CDH4: variants seen among roughly 807,000 people sequenced by gnomAD.
CDH4 encodes the protein cadherin-4.
CDH4 carries 33 observed loss-of-function variants against 86.0 expected under a neutral mutation model. The observed-to-expected ratio is 0.38, with a 90% confidence interval of 0.29 to 0.51. CDH4 has a LOEUF of 0.51. CDH4 is among the 20% of genes least tolerant of loss of function. The pLI, the probability that CDH4 is intolerant of heterozygous loss-of-function variation, is 0.86. For synonymous variants in CDH4, 555 were observed against 549.4 expected, an observed-to-expected ratio of 1.01 and a Z score of -0.14; for missense variants, 1,114 against 1,307.4, an observed-to-expected ratio of 0.85 and a Z score of 2.28.
At chr20:61,401,934 G>A (rs998473191) in intron 2 of CDH4, among the ~76,000 whole-genome samples, 8 of 152,202 alleles carry the variant, frequency 5.3e-5, no homozygotes, top group South Asian at 4.1e-4. Flanking sequence ...CTGACCAGCT[G>A]CACATGCATT....
At chr20:61,437,890 T>G (rs969526453) in intron 2 of CDH4, among the ~76,000 whole-genome samples, 5 of 152,180 alleles carry the variant, frequency 3.3e-5, no homozygotes, top group African/African-American at 1.2e-4. Context: ...ACTGGTCCTT[T>G]TCCATCCATC....
chr20:61,836,741 C>T (rs1164909721), intron 4 of CDH4, among the ~76,000 whole-genome samples: 2 of 152,234 alleles, frequency 1.3e-5, no homozygotes, highest in African/African-American at 4.8e-5. Flanking sequence ...GGTTTCACGT[C>T]GCCGAATCTT....
intron 2 of CDH4, among the ~76,000 whole-genome samples, chr20:61,653,624 C>T (rs1238306515): frequency 0.16 from 14,309 of 92,042 alleles, 1,318 homozygotes; most frequent in Non-Finnish European, 0.22. Flanking sequence ...CCTCACTTCC[C>T]AGACGGGGTG....
At chr20:61,499,529 T>A (rs1390903180) in intron 2 of CDH4, 1 of 1,288,180 alleles carries the variant, frequency 7.8e-7, no homozygotes, top group East Asian at 5.6e-5. Flanking sequence ...TAGGGTTGTT[T>A]GTGGGCCACT....
chr20:61,614,532 GC>G (rs1285212750), intron 2 of CDH4, among the ~76,000 whole-genome samples: 2 of 152,100 alleles, frequency 1.3e-5, no homozygotes, highest in Admixed American at 1.3e-4. Context: ...CGTGGGACTG[GC>G]CTGCAGTGGG....
chr20:61,437,517 C>T (rs1230564028), intron 2 of CDH4: 1 of 152,130 alleles, frequency 6.6e-6, no homozygotes, highest in African/African-American at 2.4e-5. Context: ...ATCTGGGCTC[C>T]AGTCACTTCA....
chr20:61,799,745 C>T (rs1979732088), intron 4 of CDH4, among the ~76,000 whole-genome samples: 1 of 152,224 alleles, frequency 6.6e-6, no homozygotes, highest in Admixed American at 6.5e-5. Context: ...GGTATCCCCG[C>T]TCCTGGGTGG....
At chr20:61,470,847 CA>C (rs1239155763) in intron 2 of CDH4, among the ~76,000 whole-genome samples, 2 of 152,018 alleles carry the variant, frequency 1.3e-5, no homozygotes, top group African/African-American at 2.4e-5. Context: ...TTGATTGATT[CA>C]TGTATGTTGA....
At chr20:61,691,305 TTGTG>T (rs966117660) in intron 2 of CDH4, among the ~76,000 whole-genome samples, 1 of 151,154 alleles carries the variant, frequency 6.6e-6, no homozygotes, top group Non-Finnish European at 1.5e-5. Context: ...GTGTATGTAT[TTGTG>T]TGGATGTGTG....
At chr20:61,841,326 A>G (rs772389921) in intron 4 of CDH4, among the ~76,000 whole-genome samples, 2 of 152,188 alleles carry the variant, frequency 1.3e-5, no homozygotes, top group Non-Finnish European at 2.9e-5. Context: ...TCTCCTGCGA[A>G]TGTGATCTCT....
At chr20:61,906,800 C>T (rs1458858400) in intron 8 of CDH4, among the ~76,000 whole-genome samples, 2 of 151,896 alleles carry the variant, frequency 1.3e-5, no homozygotes, top group South Asian at 2.1e-4. Flanking sequence ...AGGGAATGGC[C>T]CGGGGTCAGG....
At chr20:61,541,662 T>C (rs926348676) in intron 2 of CDH4, among the ~76,000 whole-genome samples, 1 of 152,214 alleles carries the variant, frequency 6.6e-6, no homozygotes, top group Non-Finnish European at 1.5e-5. Flanking sequence ...CTCTTCGCCA[T>C]GTGTTTGTGG....
intron 2 of CDH4, among the ~76,000 whole-genome samples, chr20:61,603,962 C>T (rs1207391508): frequency 1.3e-5 from 2 of 152,148 alleles, no homozygotes; most frequent in African/African-American, 4.8e-5. Context: ...CACACATGTA[C>T]ATGAGCAGGG....
In CDH4 at chr20:61,871,761, C is replaced by T. The variant is rs142043458; in HGVS notation, c.878-1967C>T. ...TCGCCAGGCCACGGCCCCTCCCACCCGTTTGCTTACTGCATAAATCTGTTT... is the reference window on the plus strand; with the variant it reads ...TCGCCAGGCCACGGCCCCTCCCACCTGTTTGCTTACTGCATAAATCTGTTT... On this transcript the variant is annotated intron_variant, in intron 6 of 15. Coordinates refer to ENST00000614565, the MANE Select transcript of CDH4 (RefSeq NM_001794.5). 5.6e-4 allele frequency among the ~76,000 whole-genome samples: 85 copies of T among 152,334 alleles called. No individual in the cohort carries two copies. In the East Asian group the frequency reaches 0.012, roughly 22 times the overall value.
intron 2 of CDH4, among the ~76,000 whole-genome samples, chr20:61,558,708 G>A (rs1296098678): frequency 1.3e-5 from 2 of 152,212 alleles, no homozygotes; most frequent in Admixed American, 6.5e-5. Context: ...ATAGCATCCC[G>A]TGCGTCCCGT....
At chr20:61,390,654 C>T (rs1600932046) in intron 2 of CDH4, among the ~76,000 whole-genome samples, 1 of 149,328 alleles carries the variant, frequency 6.7e-6, no homozygotes, top group Non-Finnish European at 1.5e-5. Context: ...CCCATAGTGC[C>T]GTGTCTGGGA....
chr20:61,533,548 G>A (rs930682718), intron 2 of CDH4, among the ~76,000 whole-genome samples: 3 of 152,348 alleles, frequency 2.0e-5, no homozygotes, highest in South Asian at 2.1e-4. Flanking sequence ...GGCCCTGGCC[G>A]GGGCTGCTGG....
chr20:61,660,314 T>C (rs1024586474), intron 2 of CDH4, among the ~76,000 whole-genome samples: 2 of 152,230 alleles, frequency 1.3e-5, no homozygotes, highest in Admixed American at 1.3e-4. Context: ...TGTTCTCTTC[T>C]TATCAAACAA....
rs187372356 is a variant in CDH4, at chr20:61,781,512, G to A, written c.576+8330G>A. 2.0e-5 allele frequency among the ~76,000 whole-genome samples: 3 copies of A among 152,302 alleles called. No homozygotes were observed. In the East Asian group the frequency reaches 5.8e-4, roughly 29 times the overall value. Reference sequence around the variant, plus strand: ...TCTCTAACGGAAAACTCACTGGATGGGTTCACAAGTGGATTGCTGAGGCAG... The same window carrying A: ...TCTCTAACGGAAAACTCACTGGATGAGTTCACAAGTGGATTGCTGAGGCAG... On this transcript the variant is annotated intron_variant, in intron 4 of 15. Transcript: ENST00000614565.
Sources: gnomAD v4.1 joint callset for allele counts (sites outside exome capture counted in the v4.1 genomes callset) on GRCh38, gnomAD v4.1.1 for gene constraint, MANE v1.5 for transcripts, NCBI Gene and HGNC (gene_info 2026-07-23, HGNC 2026-07-21) for gene names.